ERI1: variants seen among roughly 807,000 people sequenced by gnomAD.
ERI1 encodes exoribonuclease 1.
Under a neutral mutation model 39.7 loss-of-function variants are expected in ERI1, and 39 were observed. That is an observed-to-expected ratio of 0.98 (90% CI 0.76 to 1.28). The LOEUF (loss-of-function observed/expected upper bound fraction) is 1.28. ERI1 is among the 50% of genes most tolerant of loss of function. The probability of loss-of-function intolerance (pLI) is 0.00; values close to 1 mark genes in which losing one functional copy is unlikely to be tolerated. For synonymous variants in ERI1, 204 were observed against 149.6 expected, an observed-to-expected ratio of 1.36 and a Z score of -2.65; for missense variants, 581 against 416.9, an observed-to-expected ratio of 1.39 and a Z score of -3.43.
chr8:9,096,266 G>A (rs763759139), intron 3 of ERI1, among the ~76,000 whole-genome samples: 19 of 152,280 alleles, frequency 1.2e-4, no homozygotes, highest in Non-Finnish European at 2.5e-4. Context: ...GGTCCTCTAA[G>A]GGTTTCCTGC....
intron 3 of ERI1, chr8:9,091,440 G>C (rs1186236335): frequency 6.6e-6 from 1 of 151,830 alleles, no homozygotes; most frequent in Non-Finnish European, 1.5e-5. Flanking sequence ...AGAATGGCTT[G>C]CACCCAGGAG....
chr8:9,068,952 G>A (rs113873601), intron 3 of ERI1, among the ~76,000 whole-genome samples: 53 of 152,190 alleles, frequency 3.5e-4, no homozygotes, highest in African/African-American at 1.2e-3. Flanking sequence ...CTAGTAGCTG[G>A]GACTACAGGT....
At chr8:9,027,695 T>G (rs1797280599) in intron 6 of ERI1, among the ~76,000 whole-genome samples, 1 of 152,216 alleles carries the variant, frequency 6.6e-6, no homozygotes, top group Admixed American at 6.5e-5. Flanking sequence ...CTTTTGCACG[T>G]GGATATTCAG....
At chr8:9,022,490 C>G (rs889204475) in intron 6 of ERI1, among the ~76,000 whole-genome samples, 2 of 152,136 alleles carry the variant, frequency 1.3e-5, no homozygotes, top group Non-Finnish European at 2.9e-5. Context: ...AACCCTGTCT[C>G]TTGGGTTCAA....
At chr8:9,095,567 C>G (rs1366780657) in intron 3 of ERI1, among the ~76,000 whole-genome samples, 1 of 151,882 alleles carries the variant, frequency 6.6e-6, no homozygotes, top group Middle Eastern at 3.2e-3. Flanking sequence ...GTGCAGTAGC[C>G]TGATAATGGT....
chr8:9,044,591 G>C (rs1166519269), intron 3 of ERI1, among the ~76,000 whole-genome samples: 1 of 152,052 alleles, frequency 6.6e-6, no homozygotes. Context: ...CAGAAGCAAA[G>C]CTTAATGGAC....
intron 3 of ERI1, among the ~76,000 whole-genome samples, chr8:9,075,098 A>C (rs1799167248): frequency 6.6e-6 from 1 of 152,246 alleles, no homozygotes; most frequent in South Asian, 2.1e-4. Context: ...ATGCCAGCAC[A>C]TGACATTCTT....
At chr8:9,073,996 A>T (rs535237994) in intron 3 of ERI1, among the ~76,000 whole-genome samples, 134 of 152,140 alleles carry the variant, frequency 8.8e-4, no homozygotes, top group South Asian at 2.1e-3. Flanking sequence ...ATGTTGCCCA[A>T]ACTGGTCTTG....
intron 3 of ERI1, among the ~76,000 whole-genome samples, chr8:9,082,494 G>A (rs1799400878): frequency 6.6e-6 from 1 of 152,188 alleles, no homozygotes; most frequent in South Asian, 2.1e-4. Flanking sequence ...TTTCTGGCAT[G>A]AAATCATTCT....
At chr8:9,044,581 C>A (rs1338818698) in intron 3 of ERI1, among the ~76,000 whole-genome samples, 1 of 152,046 alleles carries the variant, frequency 6.6e-6, no homozygotes, top group Non-Finnish European at 1.5e-5. Flanking sequence ...AGTGTAGGAG[C>A]AGAAGCAAAG....
At chr8:9,048,653 C>G (rs565917697) in intron 3 of ERI1, 1 of 152,340 alleles carries the variant, frequency 6.6e-6, no homozygotes, top group South Asian at 2.1e-4. Flanking sequence ...ATAATTCTGT[C>G]CTTTGTTTTG....
Position 9,087,788 on chromosome 8 carries a change from C to T in ERI1, n.300-28560C>T, listed in dbSNP as rs185845378. Among the ~76,000 whole-genome samples, 397 of 152,276 alleles carry T rather than the reference C, an allele frequency of 2.6e-3. 1 individual carries two copies. The highest frequency in any genetic ancestry group is 5.8e-3 in the Admixed American group (88 of 15,300). On this transcript the variant is annotated intron_variant and non_coding_transcript_variant, in intron 3 of 3. Transcript: ENST00000518663. ...CCCCACAAGGGTTTGAGGTTCCCTA[C>T]TTTCACAGAGAGGGAAAGGGGCAGA...
chr8:9,081,533 C>T (rs531175283), intron 3 of ERI1, among the ~76,000 whole-genome samples: 24 of 152,264 alleles, frequency 1.6e-4, no homozygotes, highest in African/African-American at 5.8e-4. Context: ...GGCCATCCTT[C>T]CCCTGATATG....
intron 3 of ERI1, among the ~76,000 whole-genome samples, chr8:9,077,174 CAT>C (rs1240541923): frequency 6.6e-6 from 1 of 152,180 alleles, no homozygotes; most frequent in Non-Finnish European, 1.5e-5. Flanking sequence ...CTTTTCCAGC[CAT>C]ATCATCAGAT....
intron 3 of ERI1, among the ~76,000 whole-genome samples, chr8:9,084,782 G>T (rs1175116848): frequency 6.6e-6 from 1 of 152,158 alleles, no homozygotes; most frequent in African/African-American, 2.4e-5. Flanking sequence ...AGATTCCACT[G>T]ACTTTTACCA....
chr8:9,023,623 C>T (rs1818155868), intron 6 of ERI1, among the ~76,000 whole-genome samples: 1 of 151,858 alleles, frequency 6.6e-6, no homozygotes, highest in Non-Finnish European at 1.5e-5. Context: ...TAATAGATAA[C>T]TATAATGCAA....
rs937976033 is a variant in ERI1, at chr8:9,031,368, T to C, written c.*1334T>C. On this transcript the variant is annotated 3_prime_UTR_variant, in exon 7 of 7. Transcript: ENST00000250263. ...AATTTCTGCTTTTCAGCAGTAGTCA[T>C]ATAATCAGTATCATAAAGAATAATG... The C allele has an allele frequency of 6.6e-6, 1 of 152,228 alleles. No individual in the cohort carries two copies. The highest frequency in any genetic ancestry group is 2.4e-5 in the African/African-American group (1 of 41,454). 9.4% of individuals were successfully genotyped at this position (152,228 alleles called of 1,614,324 possible).
At position 9,003,549 on chromosome 8, in the gene ERI1, C is replaced by T. The variant is rs553409692; in HGVS notation, c.108+378C>T. On this transcript the variant is annotated intron_variant, in intron 1 of 6. Transcript: ENST00000250263. ...ATCTCACCATATACGCTAGGTATGT[C>T]ACTTCATGCCTGTTTTTAAAAAAAG... 3.6e-4 allele frequency among the ~76,000 whole-genome samples: 55 copies of T among 152,310 alleles called. 1 individual carries two copies. Among genetic ancestry groups the T allele is most frequent in the African/African-American group, 1.3e-3 (53 of 41,572 alleles).
chr8:9,077,347 A>C (rs1799240288), intron 3 of ERI1, among the ~76,000 whole-genome samples: 1 of 152,186 alleles, frequency 6.6e-6, no homozygotes, highest in Non-Finnish European at 1.5e-5. Context: ...CTTTCCTTTT[A>C]CCTTCTGAAG....
Sources: allele counts gnomAD v4.1 joint callset (sites outside exome capture counted in the v4.1 genomes callset), GRCh38; gene constraint gnomAD v4.1.1; transcripts MANE v1.5; gene names NCBI Gene and HGNC (gene_info 2026-07-23, HGNC 2026-07-21).